Variants in COL21A1 observed in about 807,000 individuals in gnomAD.
The protein encoded by COL21A1 is collagen alpha-1(XXI) chain.
Under a neutral mutation model 137.9 loss-of-function variants are expected in COL21A1, and 149 were observed. The observed-to-expected ratio is 1.08, with a 90% CI of 0.95 to 1.24. The LOEUF (loss-of-function observed/expected upper bound fraction) is 1.24. COL21A1 is among the 50% of genes most tolerant of loss of function. COL21A1 has a pLI of 0.00. For synonymous variants in COL21A1, 456 were observed against 391.5 expected, an observed-to-expected ratio of 1.16 and a Z score of -1.95; for missense variants, 1,167 against 1,158.4, an observed-to-expected ratio of 1.01 and a Z score of -0.11.
At chr6:56,241,170 A>G (rs915603142) in intron 1 of COL21A1, among the ~76,000 whole-genome samples, 2 of 152,160 alleles carry the variant, frequency 1.3e-5, no homozygotes, top group East Asian at 1.9e-4. Flanking sequence ...ATTTGAACGC[A>G]AGGCCTTTCG....
chr6:56,359,086 C>A (rs566998709), intron 1 of COL21A1, among the ~76,000 whole-genome samples: 1 of 152,164 alleles, frequency 6.6e-6, no homozygotes, highest in South Asian at 2.1e-4. Flanking sequence ...TAATTCACTT[C>A]TAAAATATAA....
intron 1 of COL21A1, among the ~76,000 whole-genome samples, chr6:56,231,406 T>C (rs1015125972): frequency 6.6e-6 from 1 of 151,788 alleles, no homozygotes; most frequent in Non-Finnish European, 1.5e-5. Flanking sequence ...CTGGCGTTAT[T>C]CAGCTAGGTG....
intron 1 of COL21A1, among the ~76,000 whole-genome samples, chr6:56,230,658 C>G (rs1781504484): frequency 6.6e-6 from 1 of 151,768 alleles, no homozygotes; most frequent in Non-Finnish European, 1.5e-5. Flanking sequence ...CACTTCAAAA[C>G]CATAATCAAT....
At chr6:56,155,960 A>C (rs2152256558) in intron 10 of COL21A1, among the ~76,000 whole-genome samples, 1 of 152,282 alleles carries the variant, frequency 6.6e-6, no homozygotes, top group Middle Eastern at 3.4e-3. Context: ...TTAACTGTAA[A>C]TATTTGCCTA....
intron 1 of COL21A1, among the ~76,000 whole-genome samples, chr6:56,337,020 A>T (rs1191338140): frequency 6.6e-6 from 1 of 152,164 alleles, no homozygotes; most frequent in Non-Finnish European, 1.5e-5. Context: ...TAATTGTTTC[A>T]TGGAACTGCT....
intron 7 of COL21A1, among the ~76,000 whole-genome samples, chr6:56,165,599 C>T (rs1776512313): frequency 6.6e-6 from 1 of 152,174 alleles, no homozygotes; most frequent in Admixed American, 6.5e-5. Context: ...ATATCTAAAA[C>T]TATAGTGCTT....
At chr6:56,300,053 G>C (rs1423436760) in intron 1 of COL21A1, among the ~76,000 whole-genome samples, 1 of 152,062 alleles carries the variant, frequency 6.6e-6, no homozygotes, top group African/African-American at 2.4e-5. Context: ...TAGTTGTTAT[G>C]TTTTTCCTTC....
At chr6:56,096,013 AT>A (rs1181183692) in intron 17 of COL21A1, among the ~76,000 whole-genome samples, 1 of 151,734 alleles carries the variant, frequency 6.6e-6, no homozygotes, top group East Asian at 1.9e-4. Context: ...CGCCTGGCTG[AT>A]TTTTTTATTT....
At chr6:56,063,750 G>A (rs1443068824) in intron 24 of COL21A1, among the ~76,000 whole-genome samples, 5 of 151,912 alleles carry the variant, frequency 3.3e-5, no homozygotes, top group Admixed American at 6.6e-5. Flanking sequence ...CCTGTCCTTG[G>A]AGACATCACT....
At chr6:56,155,834 C>T (rs547560820) in intron 10 of COL21A1, among the ~76,000 whole-genome samples, 2 of 152,280 alleles carry the variant, frequency 1.3e-5, no homozygotes, top group Non-Finnish European at 2.9e-5. Flanking sequence ...AACTGCTGGT[C>T]TCAAGTGATC....
intron 12 of COL21A1, among the ~76,000 whole-genome samples, chr6:56,134,101 G>A (rs537329856): frequency 1.3e-5 from 2 of 152,318 alleles, no homozygotes; most frequent in African/African-American, 4.8e-5. Context: ...CCGATAGCTT[G>A]CACCATGCAC....
intron 1 of COL21A1, among the ~76,000 whole-genome samples, chr6:56,347,041 C>T (rs1175004412): frequency 1.3e-5 from 2 of 152,136 alleles, no homozygotes; most frequent in Non-Finnish European, 1.5e-5. Context: ...AACAGTCTAC[C>T]ACAACTTCTG....
intron 7 of COL21A1, among the ~76,000 whole-genome samples, chr6:56,165,789 A>T (rs1369440679): frequency 6.6e-6 from 1 of 152,188 alleles, no homozygotes; most frequent in East Asian, 1.9e-4. Context: ...CATTTTAAAA[A>T]CTATGGTTGA....
At chr6:56,362,789 C>G (rs1242744777) in intron 1 of COL21A1, among the ~76,000 whole-genome samples, 1 of 152,160 alleles carries the variant, frequency 6.6e-6, no homozygotes, top group Non-Finnish European at 1.5e-5. Context: ...ACCTCAGCAG[C>G]CTTCTCTTGT....
At chr6:56,225,217 C>T (rs2152314654) in intron 1 of COL21A1, among the ~76,000 whole-genome samples, 1 of 152,170 alleles carries the variant, frequency 6.6e-6, no homozygotes, top group South Asian at 2.1e-4. Context: ...AAGATTTCTA[C>T]TAAAGCAAAC....
intron 1 of COL21A1, among the ~76,000 whole-genome samples, chr6:56,275,067 C>T (rs150198437): frequency 2.9e-4 from 44 of 152,180 alleles, no homozygotes; most frequent in African/African-American, 1.0e-3. Context: ...TCCCACACTG[C>T]AACCATCTGA....
rs140589979 is a variant in COL21A1 at position 56,064,672 on chromosome 6, A to C, written c.2128-50T>G. ...TGATTAGTTTGCACACTTACGATGCAATCACATATGCAATACAAACTATGT... is the reference window on the plus strand; with the variant it reads ...TGATTAGTTTGCACACTTACGATGCCATCACATATGCAATACAAACTATGT... On this transcript the variant is annotated intron_variant, in intron 23 of 29. Transcript: ENST00000244728. 27 of 1,257,192 alleles carry C rather than the reference A, an allele frequency of 2.1e-5. No individual in the cohort carries two copies. In the East Asian group the frequency reaches 6.9e-4, roughly 32 times the overall value. 77.9% of individuals were successfully genotyped at this position (1,257,192 alleles called of 1,614,324 possible).
intron 1 of COL21A1, among the ~76,000 whole-genome samples, chr6:56,390,877 A>C (rs76002834): frequency 0.23 from 35,219 of 152,058 alleles, 5,181 homozygotes; most frequent in African/African-American, 0.42. Flanking sequence ...ATTGTTGGGA[A>C]CCTCAACCAC....
intron 1 of COL21A1, among the ~76,000 whole-genome samples, chr6:56,186,382 G>A (rs543867644): frequency 2.0e-4 from 31 of 152,154 alleles, no homozygotes; most frequent in African/African-American, 6.0e-4. Context: ...TAAAAAAATC[G>A]ACATACAACA....
Sources: gnomAD v4.1 joint callset for allele counts (sites outside exome capture counted in the v4.1 genomes callset) on GRCh38, gnomAD v4.1.1 for gene constraint, MANE v1.5 for transcripts, NCBI Gene and HGNC (gene_info 2026-07-23, HGNC 2026-07-21) for gene names.